MALRD1: variants seen among roughly 807,000 people sequenced by gnomAD.
The protein encoded by MALRD1 is MAM and LDL-receptor class A domain-containing protein 1.
Under a neutral mutation model 242.1 loss-of-function variants are expected in MALRD1, and 247 were observed. That is an observed-to-expected ratio of 1.02 (90% CI 0.92 to 1.13). The LOEUF (loss-of-function observed/expected upper bound fraction) is 1.13. MALRD1 is among the 50% of genes most tolerant of loss of function. MALRD1 has a pLI of 0.00. For synonymous variants in MALRD1, 995 were observed against 866.6 expected, an observed-to-expected ratio of 1.15 and a Z score of -2.60; for missense variants, 2,989 against 2,533.1, an observed-to-expected ratio of 1.18 and a Z score of -3.86.
At chr10:19,199,697 A>T (rs1836433871) in intron 14 of MALRD1, among the ~76,000 whole-genome samples, 1 of 152,140 alleles carries the variant, frequency 6.6e-6, no homozygotes, top group Non-Finnish European at 1.5e-5. Flanking sequence ...GCTACTCAGT[A>T]AGCTGAGGCA....
chr10:19,563,525 T>TC (rs1836103489), intron 32 of MALRD1, among the ~76,000 whole-genome samples: 1 of 152,202 alleles, frequency 6.6e-6, no homozygotes, highest in South Asian at 2.1e-4. Context: ...TATTGTCCTC[T>TC]CACTGATGCA....
At chr10:19,163,158 A>G (rs1834513139) in intron 12 of MALRD1, among the ~76,000 whole-genome samples, 3 of 146,398 alleles carry the variant, frequency 2.0e-5, no homozygotes, top group Admixed American at 2.0e-4. Context: ...AAAAAAAAAA[A>G]AAAAAAAGAC....
At chr10:19,566,601 A>G (rs1175217203) in intron 32 of MALRD1, among the ~76,000 whole-genome samples, 2 of 151,098 alleles carry the variant, frequency 1.3e-5, no homozygotes, top group African/African-American at 2.4e-5. Flanking sequence ...TATTTTTCCC[A>G]TGTGAAAAAA....
Position 19,210,673 on chromosome 10 carries a change from A to G in MALRD1, c.2991+993A>G, listed in dbSNP as rs1375431447. 8.1e-5 allele frequency among the ~76,000 whole-genome samples: 12 copies of G among 147,990 alleles called. No homozygotes were observed. The Admixed American group carries it at 8.2e-4, about 10-fold the overall frequency. On this transcript the variant is annotated intron_variant, in intron 18 of 39. Coordinates refer to ENST00000454679, the MANE Select transcript of MALRD1 (RefSeq NM_001142308.3). ...AATCTAGTTAACAGTTTTGTAACCA[A>G]AAACTTAGCTCCAGGCCACCTTTTG...
intron 4 of MALRD1, among the ~76,000 whole-genome samples, chr10:19,098,433 T>TA (rs1486732007): frequency 3.3e-5 from 5 of 152,186 alleles, no homozygotes; most frequent in Admixed American, 6.5e-5. Flanking sequence ...AGCTTTGCAT[T>TA]AAAAAATGTA....
At chr10:19,209,743 A>G in intron 18 of MALRD1, 63 bp downstream of exon 18, 1 of 1,397,666 alleles carries the variant, frequency 7.2e-7, no homozygotes, top group Non-Finnish European at 9.5e-7. Flanking sequence ...GGAATATGAA[A>G]GATCGCTGTA....
rs138986113 is a variant in MALRD1 at position 19,564,774 on chromosome 10, A to G, written c.5479-2728A>G. ...GGAAGTTAGCCATTGTGGTTTTTCA[A>G]AATTATCAACATTTAAAAGTTATTA... On this transcript the variant is annotated intron_variant, in intron 32 of 39. Transcript: ENST00000454679. Among the ~76,000 whole-genome samples the G allele has an allele frequency of 3.0e-3, 463 of 152,256 alleles. 2 individuals carry two copies. The highest frequency in any genetic ancestry group is 5.5e-3 in the Non-Finnish European group (376 of 67,998).
intron 32 of MALRD1, among the ~76,000 whole-genome samples, chr10:19,550,083 C>A (rs1835413158): frequency 6.6e-6 from 1 of 152,072 alleles, no homozygotes; most frequent in Admixed American, 6.6e-5. Flanking sequence ...CTGGGGGATT[C>A]TTGGTCTTCA....
chr10:19,464,543 G>T (rs1374408403), intron 29 of MALRD1, among the ~76,000 whole-genome samples: 1 of 152,032 alleles, frequency 6.6e-6, no homozygotes, highest in Non-Finnish European at 1.5e-5. Context: ...TTATTTATTG[G>T]TTCTCTATTC....
intron 28 of MALRD1, among the ~76,000 whole-genome samples, chr10:19,412,323 A>C (rs1051892606): frequency 1.3e-5 from 2 of 152,124 alleles, no homozygotes; most frequent in Admixed American, 6.6e-5. Context: ...AATATTATGT[A>C]CTCTCTTAAA....
At chr10:19,469,923 C>G (rs1836411726) in intron 29 of MALRD1, among the ~76,000 whole-genome samples, 1 of 151,972 alleles carries the variant, frequency 6.6e-6, no homozygotes, top group Non-Finnish European at 1.5e-5. Context: ...CCCAAAGTTT[C>G]CTCCCATCCC....
At chr10:19,328,540 A>G (rs1416810257) in intron 23 of MALRD1, among the ~76,000 whole-genome samples, 2 of 152,154 alleles carry the variant, frequency 1.3e-5, no homozygotes, top group African/African-American at 4.8e-5. Flanking sequence ...TGGGGTAGCC[A>G]AGTTGGCTGT....
intron 8 of MALRD1, 47 bp from the exon 9 acceptor site, chr10:19,133,809 A>G (rs375551831): frequency 2.4e-6 from 2 of 842,634 alleles, no homozygotes; most frequent in Non-Finnish European, 1.6e-6. Context: ...GTAAATGTGA[A>G]GATTAGAATA....
intron 25 of MALRD1, among the ~76,000 whole-genome samples, chr10:19,348,509 A>G (rs750298575): frequency 7.9e-5 from 12 of 152,172 alleles, no homozygotes; most frequent in Non-Finnish European, 1.6e-4. Flanking sequence ...CCCTGAACTT[A>G]TTCCTAAAAG....
At chr10:19,270,316 C>CT (rs1317060650) in intron 19 of MALRD1, among the ~76,000 whole-genome samples, 1 of 113,498 alleles carries the variant, frequency 8.8e-6, no homozygotes, top group Non-Finnish European at 1.8e-5. Flanking sequence ...GTCTCTCTCT[C>CT]TTCTCTCTCT....
chr10:19,121,691 C>T (rs1175411253), intron 5 of MALRD1, among the ~76,000 whole-genome samples: 8 of 152,164 alleles, frequency 5.3e-5, no homozygotes, highest in Admixed American at 2.0e-4. Context: ...AAATGGAAGA[C>T]GTCATCCAGA....
At chr10:19,278,855 A>T (rs574154997) in intron 19 of MALRD1, among the ~76,000 whole-genome samples, 2 of 152,310 alleles carry the variant, frequency 1.3e-5, no homozygotes, top group Non-Finnish European at 2.9e-5. Flanking sequence ...TAATAAGCAA[A>T]TTAACATAAG....
At chr10:19,359,449 T>A (rs978699798) in intron 26 of MALRD1, among the ~76,000 whole-genome samples, 1 of 152,064 alleles carries the variant, frequency 6.6e-6, no homozygotes. Context: ...TTTTGAAGAT[T>A]TTGTGGAGTA....
chr10:19,225,029 G>A (rs545123919), intron 18 of MALRD1, among the ~76,000 whole-genome samples: 169 of 152,238 alleles, frequency 1.1e-3, no homozygotes, highest in African/African-American at 3.7e-3. Context: ...GTGTAAGGAA[G>A]GGGTCCAGTT....
Sources: gnomAD v4.1 joint callset for allele counts (sites outside exome capture counted in the v4.1 genomes callset) on GRCh38, gnomAD v4.1.1 for gene constraint, MANE v1.5 for transcripts, NCBI Gene and HGNC (gene_info 2026-07-23, HGNC 2026-07-21) for gene names.